EN1: variants seen among roughly 807,000 people sequenced by gnomAD.
The protein encoded by EN1 is homeobox protein engrailed-1.
EN1 carries 8 observed loss-of-function variants against 22.9 expected under a neutral mutation model. The ratio of observed to expected loss-of-function variants is 0.35; its 90% CI spans 0.20 to 0.63. The LOEUF (loss-of-function observed/expected upper bound fraction) is 0.63, where lower values mean the gene tolerates loss of function less well. Ranked by LOEUF, EN1 falls within the 20% of genes least tolerant of loss-of-function variation. EN1 has a pLI of 0.73. For synonymous variants in EN1, 287 were observed against 262.5 expected, an observed-to-expected ratio of 1.09 and a Z score of -0.90; for missense variants, 521 against 572.1, an observed-to-expected ratio of 0.91 and a Z score of 0.91.
At position 118,847,195 on chromosome 2, in the gene EN1, C is replaced by G. The variant is rs899499488; in HGVS notation, c.-28G>C. Reference sequence around the variant, plus strand: ...TCGGCCGCCCCGCCGCCCCGGCCGCCGCGCCGGCCCCCGCCCCCACCGCCT... The same window carrying G: ...TCGGCCGCCCCGCCGCCCCGGCCGCGGCGCCGGCCCCCGCCCCCACCGCCT... On this transcript the variant is annotated 5_prime_UTR_variant, in exon 1 of 2. Coordinates refer to ENST00000295206, the MANE Select transcript of EN1 (RefSeq NM_001426.4). 4.2e-6 allele frequency: 3 copies of G among 705,890 alleles called. No homozygotes were observed. The African/African-American group carries it at 5.7e-5, about 13-fold the overall frequency. 43.7% of individuals were successfully genotyped at this position (705,890 alleles called of 1,614,324 possible).
In EN1 at chr2:118,843,042, T is replaced by A. The variant is rs1307308201; in HGVS notation, c.1075A>T (p.Lys359Ter). The A allele has an allele frequency of 6.2e-7, 1 of 1,614,084 alleles. No individual in the cohort carries two copies. Among genetic ancestry groups the A allele is most frequent in the African/African-American group, 1.3e-5 (1 of 74,936 alleles). Residue 359 changes from lysine (K) to a stop codon, truncating the protein, a stop_gained, in exon 2 of 2, where the codon AAG (lysine) becomes TAG (stop). Coordinates refer to ENST00000295206, the MANE Select transcript of EN1 (RefSeq NM_001426.4). LOFTEE classifies it high-confidence loss of function. The stretch of plus-strand genomic sequence containing the variant: ...CCGTTCTTGATGCCTGTGGCTTTCT[T>A]GATCTTGGCGCGCTTGTTCTGGAAC... ...IWFQNKRAKIKKATGIKNGLA... is the reference protein window; with the variant it reads ...IWFQNKRAKI
At position 118,842,707 on chromosome 2, in the gene EN1, A is replaced by C; in HGVS notation, c.*231T>G. The C allele has an allele frequency of 8.2e-6, 6 of 730,466 alleles. No homozygotes were observed. Among genetic ancestry groups the C allele is most frequent in the South Asian group, 2.2e-5 (1 of 46,336 alleles). 45.2% of individuals were successfully genotyped at this position (730,466 alleles called of 1,614,324 possible). ...CGCAGTTTCGTCCCTTATACTGGGA[A>C]TAGAGAATGGATCTTATTTTTCGAT... is the stretch of plus-strand genomic sequence containing the variant. On this transcript the variant is annotated 3_prime_UTR_variant, in exon 2 of 2. Coordinates refer to ENST00000295206, the MANE Select transcript of EN1 (RefSeq NM_001426.4).
rs749494873 is a variant in EN1 at position 118,842,920 on chromosome 2, G to T, written c.*18C>A. ...CGGTGCCGGGAGGGGGCGCGGGCGC[G>T]GCCCCGGCCTGTGGCGGCTACTCGC... On this transcript the variant is annotated 3_prime_UTR_variant, in exon 2 of 2. Transcript: ENST00000295206. The T allele has an allele frequency of 1.2e-5, 19 of 1,587,046 alleles. No homozygotes were observed. The highest frequency in any genetic ancestry group is 1.6e-5 in the Non-Finnish European group (19 of 1,162,142).
Position 118,842,197 on chromosome 2 carries a change from C to G in EN1, c.*741G>C, listed in dbSNP as rs1678198382. 1 of 152,706 alleles carries G rather than the reference C, an allele frequency of 6.5e-6. No homozygotes were observed. Among genetic ancestry groups the G allele is most frequent in the Non-Finnish European group, 1.5e-5 (1 of 68,058 alleles). 9.5% of individuals were successfully genotyped at this position (152,706 alleles called of 1,614,324 possible). A position where few individuals can be genotyped will look rare whatever the true frequency, so the allele number is the denominator to read the frequency against. Reference sequence around the variant, plus strand: ...CGTGAGCACAGTGTACACTTTATTTCAGACTACAGGTTTCTGAACATAATA... The same window carrying G: ...CGTGAGCACAGTGTACACTTTATTTGAGACTACAGGTTTCTGAACATAATA... On this transcript the variant is annotated 3_prime_UTR_variant, in exon 2 of 2. Transcript: ENST00000295206.
Position 118,846,529 on chromosome 2 carries a change from C to T in EN1, c.639G>A (p.Ala213=). The change falls in exon 1 of 2, where the codon GCG becomes GCA. Residue 213 remains alanine, a synonymous_variant. Transcript: ENST00000295206. The surrounding 1 kb of genome is among the most constrained non-coding windows in gnomAD (Gnocchi z 5.0). ...AAAAAAVAAA[A]AAAAAKPSDT... ...CCGAGGGCTTGGCTGCTGCGGCCGC[C>T]GCCGCCGCCGCCACTGCCGCCGCGG... 1 of 1,219,412 alleles carries T rather than the reference C, an allele frequency of 8.2e-7. No homozygotes were observed. Among genetic ancestry groups the T allele is most frequent in the South Asian group, 3.5e-5 (1 of 28,266 alleles). The allele number at this position is 1,219,412 out of a possible 1,614,324, so 75.5% of individuals were successfully genotyped here. A position where few individuals can be genotyped will look rare whatever the true frequency, so the allele number is the denominator to read the frequency against.
intron 1 of EN1, among the ~76,000 whole-genome samples, chr2:118,845,430 C>G (rs1172829974): frequency 2.0e-5 from 3 of 152,170 alleles, no homozygotes; most frequent in African/African-American, 7.2e-5. Flanking sequence ...GAGGGGCACA[C>G]GGAAAAGTGG....
Position 118,842,731 on chromosome 2 carries a change from A to G in EN1, c.*207T>C. ...AATAGAGAATGGATCTTATTTTTCG[A>G]TAGCACCTGTCCGAGTCTTTCTCCC... On this transcript the variant is annotated 3_prime_UTR_variant, in exon 2 of 2. Coordinates refer to ENST00000295206, the MANE Select transcript of EN1 (RefSeq NM_001426.4). 1 of 895,524 alleles carries G rather than the reference A, an allele frequency of 1.1e-6. No individual in the cohort carries two copies. Among genetic ancestry groups the G allele is most frequent in the Non-Finnish European group, 1.6e-6 (1 of 620,134 alleles). The allele number at this position is 895,524 out of a possible 1,614,324, so 55.5% of individuals were successfully genotyped here.
intron 1 of EN1, among the ~76,000 whole-genome samples, chr2:118,843,474 G>A (rs1678223995): frequency 6.6e-6 from 1 of 152,196 alleles, no homozygotes; most frequent in Non-Finnish European, 1.5e-5. Flanking sequence ...GGGTCCCCGG[G>A]TTCCCTTTGG....
Position 118,847,590 on chromosome 2 carries a change from A to G in EN1, c.-423T>C, listed in dbSNP as rs1003975007. 18 of 153,262 alleles carry G rather than the reference A, an allele frequency of 1.2e-4. No individual in the cohort carries two copies. The highest frequency in any genetic ancestry group is 4.3e-4 in the African/African-American group (18 of 41,538). The allele number at this position is 153,262 out of a possible 1,614,324, so 9.5% of individuals were successfully genotyped here. A position where few individuals can be genotyped will look rare whatever the true frequency, so the allele number is the denominator to read the frequency against. On this transcript the variant is annotated 5_prime_UTR_variant, in exon 1 of 2. The change abolishes an upstream ATG in the 5' untranslated region. Transcript: ENST00000295206. The stretch of plus-strand genomic sequence containing the variant: ...AAAAAATAGTATTTAAAGTCTAGCC[A>G]TCTTCCTAGGCAGTAGTGAGGGGTT...
At position 118,847,353 on chromosome 2, in the gene EN1, T is replaced by C. The variant is rs1678297281; in HGVS notation, c.-186A>G. The C allele has an allele frequency of 2.7e-6, 1 of 368,586 alleles. No homozygotes were observed. Among genetic ancestry groups the C allele is most frequent in the Non-Finnish European group, 4.8e-6 (1 of 207,754 alleles). 22.8% of individuals were successfully genotyped at this position (368,586 alleles called of 1,614,324 possible). A position where few individuals can be genotyped will look rare whatever the true frequency, so the allele number is the denominator to read the frequency against. On this transcript the variant is annotated 5_prime_UTR_variant, in exon 1 of 2. Transcript: ENST00000295206. Reference sequence around the variant, plus strand: ...CTGGCCTGGATCGCTCGTTCTTATCTAGCAGATAGATCTCGCTGTCTCTCC... The same window carrying C: ...CTGGCCTGGATCGCTCGTTCTTATCCAGCAGATAGATCTCGCTGTCTCTCC...
rs1041566110 is a variant in EN1, at chr2:118,843,367, C to G, written c.863-113G>C. 5 of 945,288 alleles carry G rather than the reference C, an allele frequency of 5.3e-6. No individual in the cohort carries two copies. The East Asian group carries it at 1.3e-4, about 25-fold the overall frequency. 58.6% of individuals were successfully genotyped at this position (945,288 alleles called of 1,614,324 possible). A position where few individuals can be genotyped will look rare whatever the true frequency, so the allele number is the denominator to read the frequency against. On this transcript the variant is annotated intron_variant, in intron 1 of 1. Transcript: ENST00000295206. ...TAGCATTGCCGAGCTGGGCCGCGAG[C>G]CCCGCGCTTCCGGGGCGATCTCGGA...
rs769146878 is a variant in EN1 at position 118,843,161 on chromosome 2, T to C, written c.956A>G (p.Lys319Arg). The C allele has an allele frequency of 6.2e-7, 1 of 1,610,492 alleles. No homozygotes were observed. Among genetic ancestry groups the C allele is most frequent in the South Asian group, 1.1e-5 (1 of 90,388 alleles). The change falls in exon 2 of 2, where the codon AAG (lysine) becomes AGG (arginine). Residue 319 changes from lysine (K) to arginine (R), a missense_variant. Around this residue, in one of 3 missense-constraint regions of EN1, gnomAD observed 50 missense variants for 121.8 expected, o/e 0.41. Coordinates refer to ENST00000295206, the MANE Select transcript of EN1 (RefSeq NM_001426.4). Reference protein sequence around the residue: ...AFTAEQLQRLKAEFQANRYIT... With the variant: ...AFTAEQLQRLRAEFQANRYIT... ...GTAGCGGTTTGCCTGGAACTCCGCC[T>C]TGAGTCTCTGCAGCTGCTCGGCCGT...
chr2:118,846,857 T>C lies in EN1; in HGVS notation c.311A>G (p.Asn104Ser), dbSNP rs1678284231. 1.3e-6 allele frequency: 2 copies of C among 1,588,330 alleles called. No individual in the cohort carries two copies. The highest frequency in any genetic ancestry group is 1.7e-5 in the Admixed American group (1 of 58,504). The change falls in exon 1 of 2, where the codon AAC becomes AGC. Residue 104 changes from asparagine to serine, a missense_variant. Physicochemically the swap from Asn to Ser is conservative, Grantham distance 46. Around this residue, in one of 3 missense-constraint regions of EN1, gnomAD observed 436 missense variants for 410.1 expected, o/e 1.06. Coordinates refer to ENST00000295206, the MANE Select transcript of EN1 (RefSeq NM_001426.4). This position sits in a 1 kb window ranked among gnomAD's most constrained non-coding sequence, Gnocchi z 5.0. The part of the protein sequence containing the change: ...QPAAQLHRTT[N>S]FFIDNILRPD... ...CCTCAGGATGTTGTCGATGAAAAAG[T>C]TGGTGGTGCGGTGCAGCTGGGCCGC... is the stretch of plus-strand genomic sequence containing the variant.
At chr2:118,845,209 C>T (rs1291588617) in intron 1 of EN1, among the ~76,000 whole-genome samples, 3 of 152,232 alleles carry the variant, frequency 2.0e-5, no homozygotes, top group South Asian at 4.1e-4. Context: ...CGCGCCCGGC[C>T]GGCAGCTGTG....
chr2:118,844,733 C>T (rs1033428821), intron 1 of EN1, among the ~76,000 whole-genome samples: 5 of 152,188 alleles, frequency 3.3e-5, no homozygotes, highest in African/African-American at 9.7e-5. Flanking sequence ...GACAAAGAGT[C>T]CAGGCCTAGC....
intron 1 of EN1, chr2:118,844,274 G>A (rs1262906179): frequency 6.6e-6 from 1 of 151,460 alleles, no homozygotes; most frequent in Non-Finnish European, 1.5e-5. Context: ...CCCCACCTAT[G>A]AGCAAAAAGG....
Position 118,846,731 on chromosome 2 carries a change from C to A in EN1, c.437G>T (p.Arg146Ile). The A allele has an allele frequency of 1.3e-6, 2 of 1,594,064 alleles. No homozygotes were observed. Among genetic ancestry groups the A allele is most frequent in the South Asian group, 2.2e-5 (2 of 90,072 alleles). Residue 146 changes from arginine (R) to isoleucine (I), a missense_variant, in exon 1 of 2, where the codon AGA becomes ATA. Transcript: ENST00000295206. This position sits in a 1 kb window ranked among gnomAD's most constrained non-coding sequence, Gnocchi z 5.0. The stretch of plus-strand genomic sequence containing the variant: ...GTCTCTACCTGCGGCAGTCTGGCCT[C>A]TGTCACGCTCGACCCGGCCTCCTCC... ...AGGGGRVERD[R>I]GQTAAGRDPV... is the part of the protein sequence containing the mutation.
At position 118,846,526 on chromosome 2, in the gene EN1, CGCCGCCGCCGCCGCCACTGCCGCCGCG is replaced by C. The variant is rs1434030590; in HGVS notation, c.615_641del (p.Val209_Ala217del). The C allele has an allele frequency of 5.5e-5, 66 of 1,190,104 alleles. No individual in the cohort carries two copies. Among genetic ancestry groups the C allele is most frequent in the Middle Eastern group, 3.1e-4 (1 of 3,216 alleles). 73.7% of individuals were successfully genotyped at this position (1,190,104 alleles called of 1,614,324 possible). On this transcript the variant is annotated inframe_deletion, in exon 1 of 2. Coordinates refer to ENST00000295206, the MANE Select transcript of EN1 (RefSeq NM_001426.4). This position sits in a 1 kb window ranked among gnomAD's most constrained non-coding sequence, Gnocchi z 5.0. ...TGTCCGAGGGCTTGGCTGCTGCGGC[CGCCGCCGCCGCCGCCACTGCCGCCGCG>C]GCCGCCGCCGCCGCCGCAGCCGGGT...
Position 118,847,250 on chromosome 2 carries a change from G to T in EN1, c.-83C>A. 1 of 449,754 alleles carries T rather than the reference G, an allele frequency of 2.2e-6. No homozygotes were observed. The highest frequency in any genetic ancestry group is 3.7e-6 in the Non-Finnish European group (1 of 267,002). The allele number at this position is 449,754 out of a possible 1,614,324, so 27.9% of individuals were successfully genotyped here. On this transcript the variant is annotated 5_prime_UTR_variant, in exon 1 of 2. Transcript: ENST00000295206. ...CCCCACCCCACTTTGCCAGCGGCCC[G>T]TGGGGGTGCGCGGAGGAAGGAGGCA...
Sources: gnomAD v4.1 joint callset for allele counts (sites outside exome capture counted in the v4.1 genomes callset) on GRCh38, gnomAD v4.1.1 for gene constraint, gnomAD v4.1.1 regional missense constraint, Gnocchi (gnomAD v3.1) non-coding constraint, MANE v1.5 for transcripts, NCBI Gene and HGNC (gene_info 2026-07-23, HGNC 2026-07-21) for gene names.